Variants in IPP observed in about 807,000 individuals in gnomAD.
IPP encodes the protein intracisternal A particle-promoted polypeptide, also known as actin-binding protein IPP.
IPP carries 41 observed loss-of-function variants against 64.1 expected under a neutral mutation model. The ratio of observed to expected loss-of-function variants is 0.64; its 90% CI spans 0.50 to 0.83. The LOEUF (loss-of-function observed/expected upper bound fraction) is 0.83, where lower values mean the gene tolerates loss of function less well. IPP is among the 40% of genes least tolerant of loss of function. IPP has a pLI of 0.00. For synonymous variants in IPP, 214 were observed against 235.2 expected, an observed-to-expected ratio of 0.91 and a Z score of 0.83; for missense variants, 649 against 703.0, an observed-to-expected ratio of 0.92 and a Z score of 0.87.
chr1:45,698,290 CT>C (rs1352428399), downstream of IPP, among the ~76,000 whole-genome samples: 1 of 152,048 alleles, frequency 6.6e-6, no homozygotes, highest in African/African-American at 2.4e-5. Flanking sequence ...AAAATTCCAT[CT>C]CAAAAAAAAA....
At chr1:45,740,075 C>T (rs1646039215) in intron 3 of IPP, among the ~76,000 whole-genome samples, 1 of 152,186 alleles carries the variant, frequency 6.6e-6, no homozygotes, top group South Asian at 2.1e-4. Flanking sequence ...ACATCTTGCA[C>T]CGCCCTTAAT....
chr1:45,718,525 C>T (rs1645689633), intron 6 of IPP, among the ~76,000 whole-genome samples: 1 of 151,914 alleles, frequency 6.6e-6, no homozygotes, highest in Non-Finnish European at 1.5e-5. Flanking sequence ...CCTGTACCAT[C>T]CCCCGCCTGA....
chr1:45,731,308 G>A (rs992430493), intron 3 of IPP, among the ~76,000 whole-genome samples: 10 of 152,110 alleles, frequency 6.6e-5, no homozygotes, highest in Non-Finnish European at 1.2e-4. Context: ...GGGCGTGGTG[G>A]TATGAACTTT....
At chr1:45,727,008 G>C (rs1202753177) in intron 5 of IPP, among the ~76,000 whole-genome samples, 1 of 151,902 alleles carries the variant, frequency 6.6e-6, no homozygotes, top group Non-Finnish European at 1.5e-5. Context: ...GGGATTACAG[G>C]CATGAGCCAC....
At chr1:45,728,902 C>T (rs1163043202) in intron 4 of IPP, among the ~76,000 whole-genome samples, 9 of 152,020 alleles carry the variant, frequency 5.9e-5, no homozygotes, top group Non-Finnish European at 1.0e-4. Flanking sequence ...CCAAGGCAGG[C>T]GGATCACAAG....
chr1:45,725,518 C>T (rs553509102), intron 5 of IPP, among the ~76,000 whole-genome samples: 91 of 138,160 alleles, frequency 6.6e-4, no homozygotes, highest in African/African-American at 2.3e-3. Context: ...GTGAGGGGCG[C>T]TTCTGCCCGG....
rs76298531 is a variant in IPP at position 45,731,542 on chromosome 1, G to T, written c.725-1773C>A. ...TACTAGGTAGAAAGAGTGCCAAGGA[G>T]AATTAGTTCTTGTATTAACAGAACA... is the stretch of plus-strand genomic sequence containing the variant. On this transcript the variant is annotated intron_variant, in intron 3 of 8. Transcript: ENST00000396478. Among the ~76,000 whole-genome samples the T allele has an allele frequency of 3.0e-3, 460 of 152,288 alleles. 4 individuals carry two copies. Among genetic ancestry groups the T allele is most frequent in the East Asian group, 0.022 (115 of 5,188 alleles).
intron 5 of IPP, among the ~76,000 whole-genome samples, chr1:45,725,898 G>T (rs543030049): frequency 2.9e-5 from 4 of 135,754 alleles, no homozygotes; most frequent in South Asian, 2.6e-4. Flanking sequence ...CAGCATGCTC[G>T]TTAAGAGTCA....
chr1:45,728,978 A>ATTT (rs1645869745), intron 4 of IPP, among the ~76,000 whole-genome samples: 2 of 150,450 alleles, frequency 1.3e-5, no homozygotes, highest in Non-Finnish European at 3.0e-5. Context: ...ATATATATAT[A>ATTT]TATATAGGTA....
chr1:45,744,374 C>T (rs1646106620), intron 2 of IPP, among the ~76,000 whole-genome samples: 1 of 152,070 alleles, frequency 6.6e-6, no homozygotes, highest in African/African-American at 2.4e-5. Context: ...CTCCCCTCTT[C>T]ATCATTCCAG....
Position 45,738,047 on chromosome 1 carries a change from T to C in IPP, c.724+2854A>G, listed in dbSNP as rs1646003434. ...AAACTTTATCATAGGTATGTATTTATAGGAAAAAACATAATGTACATTAGG... is the reference window on the plus strand; with the variant it reads ...AAACTTTATCATAGGTATGTATTTACAGGAAAAAACATAATGTACATTAGG... On this transcript the variant is annotated intron_variant, in intron 3 of 8. Transcript: ENST00000396478. 2.0e-5 allele frequency among the ~76,000 whole-genome samples: 3 copies of C among 152,322 alleles called. No homozygotes were observed. In the South Asian group the frequency reaches 6.2e-4, roughly 32 times the overall value.
At chr1:45,745,978 G>A in intron 2 of IPP, 142 bp downstream of exon 2, 3 of 651,880 alleles carry the variant, frequency 4.6e-6, no homozygotes, top group South Asian at 4.5e-5. Context: ...GGAGCACCGG[G>A]TCATAAGATA....
intron 6 of IPP, among the ~76,000 whole-genome samples, chr1:45,718,927 A>C (rs2148560475): frequency 6.6e-6 from 1 of 152,040 alleles, no homozygotes; most frequent in Admixed American, 6.6e-5. Context: ...AAGAATGAAT[A>C]AGACCTAGTA....
chr1:45,736,236 T>C (rs1216548181), intron 3 of IPP, among the ~76,000 whole-genome samples: 1 of 152,114 alleles, frequency 6.6e-6, no homozygotes, highest in East Asian at 1.9e-4. Context: ...GGAATTACAG[T>C]TGTGACCACC....
intron 8 of IPP, among the ~76,000 whole-genome samples, chr1:45,705,902 C>G (rs527710259): frequency 2.1e-4 from 32 of 152,254 alleles, no homozygotes; most frequent in African/African-American, 7.2e-4. Context: ...AAAGTAAACA[C>G]AGCCACCTAG....
intron 3 of IPP, among the ~76,000 whole-genome samples, chr1:45,740,359 T>G (rs1021165610): frequency 6.6e-6 from 1 of 152,044 alleles, no homozygotes; most frequent in Non-Finnish European, 1.5e-5. Context: ...GACAGGGTGG[T>G]GGCTGGGCAG....
At chr1:45,741,620 T>G (rs1269285984) in intron 2 of IPP, among the ~76,000 whole-genome samples, 1 of 126,234 alleles carries the variant, frequency 7.9e-6, no homozygotes, top group Non-Finnish European at 1.7e-5. Flanking sequence ...TTTTTCTTAT[T>G]TTCTTTTTTT....
At chr1:45,696,799 A>G (rs992467233), downstream of IPP, 56 of 152,218 alleles carry the variant, frequency 3.7e-4, 1 homozygote, top group Non-Finnish European at 2.9e-5. Flanking sequence ...AACAAAAACA[A>G]AACCAATCTT....
chr1:45,727,740 T>A lies in IPP; in HGVS notation c.939A>T (p.Val313=). Residue 313 remains valine (V), a synonymous_variant, in exon 5 of 9, where the codon GTA becomes GTT. Coordinates refer to ENST00000396478, the MANE Select transcript of IPP (RefSeq NM_005897.3). Reference sequence around the variant, plus strand: ...ACTGGCTAAAGGTGTCAAAACGTTCTACACAGCTGAGGGCTCTGCTATCAC... The same window carrying A: ...ACTGGCTAAAGGTGTCAAAACGTTCAACACAGCTGAGGGCTCTGCTATCAC... ...RWSDSRALSC[V]ERFDTFSQYW... 1.3e-6 allele frequency: 2 copies of A among 1,596,540 alleles called. No individual in the cohort carries two copies. Among genetic ancestry groups the A allele is most frequent in the Non-Finnish European group, 1.7e-6 (2 of 1,166,848 alleles).
Sources: allele counts gnomAD v4.1 joint callset (sites outside exome capture counted in the v4.1 genomes callset), GRCh38; gene constraint gnomAD v4.1.1; transcripts MANE v1.5; gene names NCBI Gene and HGNC (gene_info 2026-07-23, HGNC 2026-07-21).